The following PRR5L variants were observed in gnomAD, a reference collection of about 807,000 sequenced individuals.
The protein encoded by PRR5L is proline rich 5 like, also known as proline-rich protein 5-like.
PRR5L carries 21 observed loss-of-function variants against 36.4 expected under a neutral mutation model. The observed-to-expected ratio is 0.58, with a 90% CI of 0.41 to 0.83. PRR5L has a LOEUF of 0.83. Among genes scored for constraint, PRR5L ranks in the 40% least tolerant of loss-of-function variants. The pLI is 0.00. For synonymous variants in PRR5L, 188 were observed against 197.0 expected (o/e 0.95, Z 0.38); for missense variants, 381 against 473.3 (o/e 0.80, Z 1.81).
chr11:36,419,104 A>G (rs1858209982), intron 3 of PRR5L, 151 bp from the exon 4 acceptor site: 1 of 708,826 alleles, frequency 1.4e-6, no homozygotes, highest in East Asian at 2.5e-5. Context: ...CAATTCCATG[A>G]TAACAATGGG....
Position 36,401,254 on chromosome 11 carries a change from C to G in PRR5L, c.133C>G (p.Leu45Val). The G allele has an allele frequency of 1.2e-6, 2 of 1,612,926 alleles. No individual in the cohort carries two copies. Among genetic ancestry groups the G allele is most frequent in the Non-Finnish European group, 1.7e-6 (2 of 1,179,998 alleles). Residue 45 changes from leucine to valine, a missense_variant, in exon 2 of 9, where the codon CTG becomes GTG. Physicochemically the swap from Leu to Val is conservative, Grantham distance 32 (BLOSUM62 1). Coordinates refer to ENST00000530639, the MANE Select transcript of PRR5L (RefSeq NM_001160167.2). ...CCGATTCCAAGCAGCTCGGCAGGCTCTGCAGCTGAGCTCCAGCTCAGCCTG... is the reference window on the plus strand; with the variant it reads ...CCGATTCCAAGCAGCTCGGCAGGCTGTGCAGCTGAGCTCCAGCTCAGCCTG... ...LPRFQAARQALQLSSSSAWNS... is the reference protein window; with the variant it reads ...LPRFQAARQAVQLSSSSAWNS...
Position 36,463,948 on chromosome 11 carries a change from G to A in PRR5L, c.*1212G>A, listed in dbSNP as rs1248988665. On this transcript the variant is annotated 3_prime_UTR_variant, in exon 9 of 9. Coordinates refer to ENST00000530639, the MANE Select transcript of PRR5L (RefSeq NM_001160167.2). ...GATTCTCCAGGAAGCATGGAAAATG[G>A]AATGTTTCCATGCTTTACAGTGCTG... is the stretch of plus-strand genomic sequence containing the variant. 1.3e-5 allele frequency: 2 copies of A among 152,196 alleles called. No individual in the cohort carries two copies. The highest frequency in any genetic ancestry group is 4.8e-5 in the African/African-American group (2 of 41,456). The allele number at this position is 152,196 out of a possible 1,614,324, so 9.4% of individuals were successfully genotyped here.
chr11:36,304,122 G>A (rs941734228), intron 1 of PRR5L, among the ~76,000 whole-genome samples: 4 of 152,072 alleles, frequency 2.6e-5, no homozygotes, highest in Non-Finnish European at 4.4e-5. Flanking sequence ...CAACTCTCTG[G>A]GGACCTCATC....
intron 4 of PRR5L, among the ~76,000 whole-genome samples, chr11:36,422,983 G>T (rs1858302367): frequency 6.6e-6 from 1 of 152,110 alleles, no homozygotes; most frequent in Non-Finnish European, 1.5e-5. Flanking sequence ...GTATCTTGGT[G>T]GTTCAGAGCA....
At chr11:36,420,834 AACACACACACACAC>A (rs58639707) in intron 4 of PRR5L, among the ~76,000 whole-genome samples, 1,599 of 139,398 alleles carry the variant, frequency 0.011, 23 homozygotes, top group African/African-American at 0.035. Flanking sequence ...CAGTTGTTTA[AACACACACACACAC>A]ACACACACAC....
At chr11:36,411,608 G>A (rs1404789481) in intron 3 of PRR5L, among the ~76,000 whole-genome samples, 1 of 152,162 alleles carries the variant, frequency 6.6e-6, no homozygotes, top group African/African-American at 2.4e-5. Flanking sequence ...TGTGGTGGTG[G>A]TTGGTAGCAG....
At chr11:36,366,612 C>T (rs7929961) in intron 1 of PRR5L, among the ~76,000 whole-genome samples, 33,995 of 152,050 alleles carry the variant, frequency 0.22, 4,699 homozygotes, top group Non-Finnish European at 0.31. Context: ...AACCAAATTA[C>T]TAATTAATTA....
At chr11:36,304,331 T>C (rs1293491962) in intron 1 of PRR5L, among the ~76,000 whole-genome samples, 1 of 152,230 alleles carries the variant, frequency 6.6e-6, no homozygotes, top group Non-Finnish European at 1.5e-5. Context: ...TTCTATGCTG[T>C]TTGAAGGTTG....
intron 1 of PRR5L, among the ~76,000 whole-genome samples, chr11:36,372,617 G>A (rs931101548): frequency 6.6e-6 from 1 of 152,110 alleles, no homozygotes; most frequent in Non-Finnish European, 1.5e-5. Flanking sequence ...GAAAATGGGC[G>A]ATCAGACTGG....
intron 1 of PRR5L, among the ~76,000 whole-genome samples, chr11:36,391,121 G>A (rs1857555356): frequency 2.6e-5 from 4 of 152,170 alleles, no homozygotes; most frequent in Admixed American, 6.5e-5. Context: ...CAGATGGCAT[G>A]GCTGTTTTCT....
chr11:36,338,238 CTTTA>C (rs1856786734), intron 1 of PRR5L, among the ~76,000 whole-genome samples: 1 of 152,212 alleles, frequency 6.6e-6, no homozygotes, highest in Non-Finnish European at 1.5e-5. Context: ...TTCAGGTTTC[CTTTA>C]CTTACTTGCA....
intron 1 of PRR5L, among the ~76,000 whole-genome samples, chr11:36,366,739 G>C (rs189907567): frequency 2.8e-3 from 420 of 152,294 alleles, no homozygotes; most frequent in Non-Finnish European, 4.6e-3. Flanking sequence ...TAAATTAGTG[G>C]TTAGAGGGTT....
At chr11:36,350,952 TTA>T (rs376180952) in intron 1 of PRR5L, among the ~76,000 whole-genome samples, 23,944 of 35,738 alleles carry the variant, frequency 0.67, 7,865 homozygotes, top group East Asian at 0.84. Flanking sequence ...ATATATATAT[TTA>T]TATATATTTA....
At chr11:36,386,270 A>T (rs897377736) in intron 1 of PRR5L, among the ~76,000 whole-genome samples, 1 of 152,218 alleles carries the variant, frequency 6.6e-6, no homozygotes, top group Admixed American at 6.5e-5. Context: ...TGGGTGACAG[A>T]GCGAGACCTT....
At chr11:36,404,426 C>A (rs1363488626) in intron 3 of PRR5L, among the ~76,000 whole-genome samples, 1 of 151,978 alleles carries the variant, frequency 6.6e-6, no homozygotes, top group Non-Finnish European at 1.5e-5. Context: ...CACCACCATG[C>A]CTGGCTAATT....
chr11:36,446,243 CGGTGG>C (rs1450602335), intron 6 of PRR5L, 52 bp from the exon 7 acceptor site: 28 of 1,589,522 alleles, frequency 1.8e-5, no homozygotes, highest in Non-Finnish European at 2.3e-5. Context: ...CCCACATGGT[CGGTGG>C]CAGATTCAGT....
rs1278785884 is a variant in PRR5L at position 36,350,982 on chromosome 11, ATATATT to A, written c.-125-50009_-125-50004del. Among the ~76,000 whole-genome samples, 10 of 88,234 alleles carry A rather than the reference ATATATT, an allele frequency of 1.1e-4. 1 individual carries two copies. Among genetic ancestry groups the A allele is most frequent in the South Asian group, 5.8e-4 (2 of 3,444 alleles). 57.9% of individuals were successfully genotyped at this position (88,234 alleles called of 152,430 possible). A position where few individuals can be genotyped will look rare whatever the true frequency, so the allele number is the denominator to read the frequency against. ...TATATTTATATATTTATATATATTT[ATATATT>A]TATATATTTATATATATTTATATAG... is the stretch of plus-strand genomic sequence containing the variant. On this transcript the variant is annotated intron_variant, in intron 1 of 8. Transcript: ENST00000530639.
At chr11:36,390,133 C>T (rs539735516) in intron 1 of PRR5L, among the ~76,000 whole-genome samples, 8 of 152,172 alleles carry the variant, frequency 5.3e-5, no homozygotes, top group African/African-American at 9.6e-5. Context: ...TATGACAAGA[C>T]GACAAAGGAG....
intron 1 of PRR5L, among the ~76,000 whole-genome samples, chr11:36,332,745 G>C (rs79716979): frequency 0.045 from 6,873 of 152,068 alleles, 473 homozygotes; most frequent in African/African-American, 0.15. Context: ...TAAAGAGCCT[G>C]GCACCTCCTC....
Sources: allele counts gnomAD v4.1 joint callset (sites outside exome capture counted in the v4.1 genomes callset), GRCh38; gene constraint gnomAD v4.1.1; transcripts MANE v1.5; gene names NCBI Gene and HGNC (gene_info 2026-07-23, HGNC 2026-07-21).